Variants in CCDC185 observed in about 807,000 individuals in gnomAD.
CCDC185 encodes coiled-coil domain containing 185.
For synonymous variants in CCDC185, 381 were observed against 348.1 expected (o/e 1.09, Z -1.05); for missense variants, 982 against 825.3 (o/e 1.19, Z -2.33).
the CCDC185 span, chr1:223,393,728 C>CT: frequency 6.4e-7 from 1 of 1,569,004 alleles, no homozygotes; most frequent in African/African-American, 1.4e-5. This position sits in a 1 kb window ranked among gnomAD's most constrained non-coding sequence, Gnocchi z 4.8. Flanking sequence ...CAGCCGAAGC[C>CT]TGAGCGATGT....
Position 223,395,126 on chromosome 1 carries a change from GAGA to G in CCDC185, c.1654_1656del (p.Lys552del), listed in dbSNP as rs1558299449. ...CCACCACATCCTGAAACTGAAAGCC[GAGA>G]AGGAGGAAAAGTGTCACATTGAGGG... On this transcript the variant is annotated inframe_deletion, in exon 1 of 1. Coordinates refer to ENST00000366875, the MANE Select transcript of CCDC185 (RefSeq NM_152610.3). The G allele has an allele frequency of 6.2e-7, 1 of 1,614,132 alleles. No homozygotes were observed. The highest frequency in any genetic ancestry group is 1.7e-5 in the Admixed American group (1 of 60,026).
Position 223,393,931 on chromosome 1 carries a change from A to C in CCDC185, c.456A>C (p.Gly152=). 6.2e-7 allele frequency: 1 copy of C among 1,613,136 alleles called. No homozygotes were observed. Among genetic ancestry groups the C allele is most frequent in the Non-Finnish European group, 8.5e-7 (1 of 1,179,826 alleles). Residue 152 remains glycine (G), a synonymous_variant, in exon 1 of 1, where the codon GGA becomes GGC. Coordinates refer to ENST00000366875, the MANE Select transcript of CCDC185 (RefSeq NM_152610.3). This position sits in a 1 kb window ranked among gnomAD's most constrained non-coding sequence, Gnocchi z 4.8. ...ACTCGCCCCCGCCTTGCCCCGGAGG[A>C]GCTGGCACTCCCCTGAGTGGCACAT... ...QGDSPPPCPG[G]AGTPLSGTFR...
In CCDC185 at chr1:223,394,195, C is replaced by G; in HGVS notation, c.720C>G (p.Thr240=). ...GCAAAGAGATGCGGAGCCCGCACAC[C>G]CAGGTCCTGAAGAGCAAGCTGGAAG... The part of the protein sequence containing the change: ...ASSKEMRSPH[T]QVLKSKLEEV... Residue 240 remains threonine (T), a synonymous_variant, in exon 1 of 1, where the codon ACC becomes ACG. Coordinates refer to ENST00000366875, the MANE Select transcript of CCDC185 (RefSeq NM_152610.3). 4 of 1,614,034 alleles carry G rather than the reference C, an allele frequency of 2.5e-6. No individual in the cohort carries two copies. The highest frequency in any genetic ancestry group is 3.4e-6 in the Non-Finnish European group (4 of 1,180,040).
At position 223,394,768 on chromosome 1, in the gene CCDC185, G is replaced by A; in HGVS notation, c.1293G>A (p.Gln431=). 1 of 1,612,808 alleles carries A rather than the reference G, an allele frequency of 6.2e-7. No homozygotes were observed. The highest frequency in any genetic ancestry group is 1.7e-5 in the Admixed American group (1 of 59,974). ...ACCTGAGCTCCCTCATCAATTACCAGGCCCGGAAGGTCCTCATGGACTGCC... is the reference window on the plus strand; with the variant it reads ...ACCTGAGCTCCCTCATCAATTACCAAGCCCGGAAGGTCCTCATGGACTGCC... The part of the protein sequence containing the change: ...DTNLSSLINY[Q]ARKVLMDCQA... The change falls in exon 1 of 1, where the codon CAG becomes CAA. Residue 431 remains glutamine, a synonymous_variant. Coordinates refer to ENST00000366875, the MANE Select transcript of CCDC185 (RefSeq NM_152610.3).
Position 223,395,375 on chromosome 1 carries a change from G to A in CCDC185, c.*28G>A, listed in dbSNP as rs377585826. 6.1e-5 allele frequency: 91 copies of A among 1,487,372 alleles called. No individual in the cohort carries two copies. Among genetic ancestry groups the A allele is most frequent in the African/African-American group, 5.8e-4 (41 of 71,150 alleles). 92.1% of individuals were successfully genotyped at this position (1,487,372 alleles called of 1,614,324 possible). A position where few individuals can be genotyped will look rare whatever the true frequency, so the allele number is the denominator to read the frequency against. ...ACCAAGGACGCCTGGCTTACAGTGC[G>A]CAGCCAGAAGGAGATGTGGCAATGT... On this transcript the variant is annotated 3_prime_UTR_variant, in exon 1 of 1. Coordinates refer to ENST00000366875, the MANE Select transcript of CCDC185 (RefSeq NM_152610.3).
Position 223,394,417 on chromosome 1 carries a change from G to A in CCDC185, c.942G>A (p.Gln314=). The change falls in exon 1 of 1, where the codon CAG becomes CAA. Residue 314 remains glutamine, a synonymous_variant. Coordinates refer to ENST00000366875, the MANE Select transcript of CCDC185 (RefSeq NM_152610.3). The part of the protein sequence containing the change: ...LLLRQSQEQW[Q]EKEQRKTLQS... ...TGCGGCAGAGCCAGGAGCAGTGGCA[G>A]GAGAAGGAGCAGCGCAAGACCCTCC... 1 of 1,567,780 alleles carries A rather than the reference G, an allele frequency of 6.4e-7. No individual in the cohort carries two copies. The highest frequency in any genetic ancestry group is 8.6e-7 in the Non-Finnish European group (1 of 1,157,072).
In CCDC185 at chr1:223,393,564, G is replaced by C. The variant is rs771980438; in HGVS notation, c.89G>C (p.Arg30Pro). Residue 30 changes from arginine to proline, a missense_variant, in exon 1 of 1, where the codon CGG becomes CCG. Physicochemically the swap from Arg to Pro is moderately radical, Grantham distance 103. Coordinates refer to ENST00000366875, the MANE Select transcript of CCDC185 (RefSeq NM_152610.3). The surrounding 1 kb of genome is among the most constrained non-coding windows in gnomAD (Gnocchi z 4.8). ...RPGGERESTQ[R>P]LGGQRSGADS... is the part of the protein sequence containing the mutation. ...GGCGGAGAACGAGAGTCCACGCAGCGGCTGGGCGGGCAGAGGTCCGGAGCC... is the reference window on the plus strand; with the variant it reads ...GGCGGAGAACGAGAGTCCACGCAGCCGCTGGGCGGGCAGAGGTCCGGAGCC... 2 of 1,549,680 alleles carry C rather than the reference G, an allele frequency of 1.3e-6. No homozygotes were observed. Among genetic ancestry groups the C allele is most frequent in the Non-Finnish European group, 8.7e-7 (1 of 1,150,624 alleles).
chr1:223,394,222 G>A lies in CCDC185; in HGVS notation c.747G>A (p.Glu249=). Reference sequence around the variant, plus strand: ...AGGTCCTGAAGAGCAAGCTGGAAGAGGTGGTGGTGTCCTCCCAGGACCAGC... The same window carrying A: ...AGGTCCTGAAGAGCAAGCTGGAAGAAGTGGTGGTGTCCTCCCAGGACCAGC... ...HTQVLKSKLE[E]VVVSSQDQQI... The change falls in exon 1 of 1, where the codon GAG becomes GAA. Residue 249 remains glutamate, a synonymous_variant. Coordinates refer to ENST00000366875, the MANE Select transcript of CCDC185 (RefSeq NM_152610.3). 1 of 1,613,982 alleles carries A rather than the reference G, an allele frequency of 6.2e-7. No individual in the cohort carries two copies. The highest frequency in any genetic ancestry group is 8.5e-7 in the Non-Finnish European group (1 of 1,180,032).
In CCDC185 at chr1:223,395,067, A is replaced by G; in HGVS notation, c.1592A>G (p.His531Arg). The G allele has an allele frequency of 6.2e-7, 1 of 1,614,102 alleles. No individual in the cohort carries two copies. Among genetic ancestry groups the G allele is most frequent in the Non-Finnish European group, 8.5e-7 (1 of 1,180,010 alleles). ...VHKTTRDKVQ[H>R]LRELNHLREK... ...AAGACCACTAGGGACAAGGTGCAGC[A>G]CCTCCGGGAGCTCAACCACCTGAGG... is the stretch of plus-strand genomic sequence containing the variant. Residue 531 changes from histidine (H) to arginine (R), a missense_variant, in exon 1 of 1, where the codon CAC (histidine) becomes CGC (arginine). Transcript: ENST00000366875.
In CCDC185 at chr1:223,393,670, G is replaced by C. The variant is rs574008951; in HGVS notation, c.195G>C (p.Ser65=). ...CGTGCTGGCTGCACCCGCACTGTTC[G>C]TTCACCCCGCGGCCTCGCAGGCGCG... The part of the protein sequence containing the change: ...AGACWLHPHC[S]FTPRPRRRGC... Residue 65 remains serine (S), a synonymous_variant, in exon 1 of 1, where the codon TCG becomes TCC. Transcript: ENST00000366875. This position sits in a 1 kb window ranked among gnomAD's most constrained non-coding sequence, Gnocchi z 4.8. 134 of 1,568,130 alleles carry C rather than the reference G, an allele frequency of 8.5e-5. 2 individuals are homozygous for C. In the South Asian group the frequency reaches 1.4e-3, roughly 16 times the overall value.
At position 223,395,149 on chromosome 1, in the gene CCDC185, TGAGGGCATCAAG is replaced by T; in HGVS notation, c.1679_1690del (p.Gly560_Glu563del). ...CCGAGAAGGAGGAAAAGTGTCACAT[TGAGGGCATCAAG>T]GAGGCCATTAAGAAAAAGGAGCAGA... is the stretch of plus-strand genomic sequence containing the variant. On this transcript the variant is annotated inframe_deletion, in exon 1 of 1. Coordinates refer to ENST00000366875, the MANE Select transcript of CCDC185 (RefSeq NM_152610.3). 1 of 1,613,922 alleles carries T rather than the reference TGAGGGCATCAAG, an allele frequency of 6.2e-7. No individual in the cohort carries two copies. Among genetic ancestry groups the T allele is most frequent in the Middle Eastern group, 1.6e-4 (1 of 6,062 alleles).
At position 223,395,124 on chromosome 1, in the gene CCDC185, C is replaced by G; in HGVS notation, c.1649C>G (p.Ala550Gly). Residue 550 changes from alanine (A) to glycine (G), a missense_variant, in exon 1 of 1, where the codon GCC becomes GGC. Physicochemically the swap from Ala to Gly is moderately conservative, Grantham distance 60. Transcript: ENST00000366875. ...EKNHHILKLK[A>G]EKEEKCHIEG... Reference sequence around the variant, plus strand: ...AACCACCACATCCTGAAACTGAAAGCCGAGAAGGAGGAAAAGTGTCACATT... The same window carrying G: ...AACCACCACATCCTGAAACTGAAAGGCGAGAAGGAGGAAAAGTGTCACATT... 1 of 1,614,058 alleles carries G rather than the reference C, an allele frequency of 6.2e-7. No individual in the cohort carries two copies. The highest frequency in any genetic ancestry group is 8.5e-7 in the Non-Finnish European group (1 of 1,180,008).
rs1669654188 is a variant in CCDC185, at chr1:223,395,426, T to C, written c.*79T>C. On this transcript the variant is annotated 3_prime_UTR_variant, in exon 1 of 1. Transcript: ENST00000366875. ...GATTCCTTTTGTAATCTGATTATAA[T>C]TGAACATTGATTTTAAAAAAGCATG... The C allele has an allele frequency of 1.5e-6, 2 of 1,321,576 alleles. No individual in the cohort carries two copies. The highest frequency in any genetic ancestry group is 1.5e-5 in the African/African-American group (1 of 67,026). The allele number at this position is 1,321,576 out of a possible 1,614,324, so 81.9% of individuals were successfully genotyped here. A position where few individuals can be genotyped will look rare whatever the true frequency, so the allele number is the denominator to read the frequency against.
In CCDC185 at chr1:223,393,789, G is replaced by C; in HGVS notation, c.314G>C (p.Arg105Pro). The C allele has an allele frequency of 6.4e-7, 1 of 1,574,484 alleles. No individual in the cohort carries two copies. The highest frequency in any genetic ancestry group is 8.6e-7 in the Non-Finnish European group (1 of 1,161,780). Residue 105 changes from arginine (R) to proline (P), a missense_variant, in exon 1 of 1, where the codon CGC becomes CCC. Transcript: ENST00000366875. This position sits in a 1 kb window ranked among gnomAD's most constrained non-coding sequence, Gnocchi z 4.8. Reference sequence around the variant, plus strand: ...AGGAAGCACCGGCCCCGCAGCAGGCGCCTGGAAGATGCCTGGGGAGAGACA... The same window carrying C: ...AGGAAGCACCGGCCCCGCAGCAGGCCCCTGGAAGATGCCTGGGGAGAGACA... The part of the protein sequence containing the change: ...RSRKHRPRSR[R>P]LEDAWGETGT...
chr1:223,394,580 G>A lies in CCDC185; in HGVS notation c.1105G>A (p.Glu369Lys). ...GCTGGAGAAGGCGCGCGCCCAGGCA[G>A]AGCACCGAAAACAGTGCCAGGTGCG... ...EKLEKARAQA[E>K]HRKQCQVRRL... Residue 369 changes from glutamate to lysine, a missense_variant, in exon 1 of 1, where the codon GAG becomes AAG. Physicochemically the swap from Glu to Lys is moderately conservative, Grantham distance 56 (BLOSUM62 1). Coordinates refer to ENST00000366875, the MANE Select transcript of CCDC185 (RefSeq NM_152610.3). 6.2e-7 allele frequency: 1 copy of A among 1,609,656 alleles called. No individual in the cohort carries two copies. The highest frequency in any genetic ancestry group is 8.5e-7 in the Non-Finnish European group (1 of 1,178,258).
Position 223,394,482 on chromosome 1 carries a change from G to A in CCDC185, c.1007G>A (p.Arg336Lys). The A allele has an allele frequency of 6.3e-7, 1 of 1,576,482 alleles. No individual in the cohort carries two copies. Among genetic ancestry groups the A allele is most frequent in the Non-Finnish European group, 8.6e-7 (1 of 1,162,136 alleles). The change falls in exon 1 of 1, where the codon AGG (arginine) becomes AAG (lysine). Residue 336 changes from arginine to lysine, a missense_variant. Physicochemically the swap from Arg to Lys is conservative, Grantham distance 26 (BLOSUM62 2). Transcript: ENST00000366875. ...CGCGGCCTGCGGCGGGACAGCCAGA[G>A]GAAGAACGTGCCCCCGGGGGAAAGC... ...EQRGLRRDSQ[R>K]KNVPPGESRW... is the part of the protein sequence containing the mutation.
At position 223,394,019 on chromosome 1, in the gene CCDC185, C is replaced by A; in HGVS notation, c.544C>A (p.Arg182Ser). 2 of 1,614,164 alleles carry A rather than the reference C, an allele frequency of 1.2e-6. No homozygotes were observed. The highest frequency in any genetic ancestry group is 8.5e-7 in the Non-Finnish European group (1 of 1,180,024). ...WAVPLGRHLG[R>S]WSPSSVPSER... ...AGTGCCACTCGGCAGACATCTAGGTCGCTGGTCCCCTTCCTCAGTTCCCTC... is the reference window on the plus strand; with the variant it reads ...AGTGCCACTCGGCAGACATCTAGGTAGCTGGTCCCCTTCCTCAGTTCCCTC... The change falls in exon 1 of 1, where the codon CGC becomes AGC. Residue 182 changes from arginine to serine, a missense_variant. By Grantham distance (110) the Arg-to-Ser change is moderately radical. Transcript: ENST00000366875.
In CCDC185 at chr1:223,394,405, G is replaced by T; in HGVS notation, c.930G>T (p.Gln310His). ...GCCGGCTGCTGCTGCGGCAGAGCCA[G>T]GAGCAGTGGCAGGAGAAGGAGCAGC... Reference protein sequence around the residue: ...RERRLLLRQSQEQWQEKEQRK... With the variant: ...RERRLLLRQSHEQWQEKEQRK... The change falls in exon 1 of 1, where the codon CAG (glutamine) becomes CAT (histidine). Residue 310 changes from glutamine (Q) to histidine (H), a missense_variant. Gln to His is a conservative substitution (Grantham distance 24, BLOSUM62 0). Transcript: ENST00000366875. 1 of 1,570,320 alleles carries T rather than the reference G, an allele frequency of 6.4e-7. No homozygotes were observed. The highest frequency in any genetic ancestry group is 8.6e-7 in the Non-Finnish European group (1 of 1,158,230).
chr1:223,395,359 G>A lies in CCDC185; in HGVS notation c.*12G>A, dbSNP rs762414708. 4.7e-6 allele frequency: 7 copies of A among 1,503,472 alleles called. No individual in the cohort carries two copies. Among genetic ancestry groups the A allele is most frequent in the South Asian group, 2.8e-5 (2 of 70,412 alleles). 93.1% of individuals were successfully genotyped at this position (1,503,472 alleles called of 1,614,324 possible). A position where few individuals can be genotyped will look rare whatever the true frequency, so the allele number is the denominator to read the frequency against. ...ACAGGGGTTACTGAGAACCAAGGAC[G>A]CCTGGCTTACAGTGCGCAGCCAGAA... On this transcript the variant is annotated 3_prime_UTR_variant, in exon 1 of 1. Transcript: ENST00000366875.
Sources: allele counts gnomAD v4.1 joint callset, GRCh38; gene constraint gnomAD v4.1.1; non-coding constraint Gnocchi (gnomAD v3.1); transcripts MANE v1.5; gene names NCBI Gene and HGNC (gene_info 2026-07-23, HGNC 2026-07-21).